REPS1: variants seen among roughly 807,000 people sequenced by gnomAD.
The protein encoded by REPS1 is RALBP1 associated Eps domain containing 1.
In REPS1, 39 loss-of-function variants were observed where a neutral mutation model predicts 100.9. That is an observed-to-expected ratio of 0.39 (90% CI 0.30 to 0.50). The LOEUF (loss-of-function observed/expected upper bound fraction) is 0.50. REPS1 is among the 20% of genes least tolerant of loss of function. The pLI is 0.86. For synonymous variants in REPS1, 324 were observed against 340.3 expected (o/e 0.95, Z 0.53); for missense variants, 821 against 968.5 (o/e 0.85, Z 2.02).
At chr6:138,985,387 C>G (rs1477540742) in intron 1 of REPS1, among the ~76,000 whole-genome samples, 1 of 152,186 alleles carries the variant, frequency 6.6e-6, no homozygotes, top group African/African-American at 2.4e-5. Context: ...CTTCTTACTC[C>G]TCTTCTGATG....
At chr6:138,933,804 A>G (rs1417852140) in intron 8 of REPS1, among the ~76,000 whole-genome samples, 1 of 152,084 alleles carries the variant, frequency 6.6e-6, no homozygotes, top group African/African-American at 2.4e-5. Flanking sequence ...ATCAGTTTTA[A>G]TTTCTAATAA....
chr6:138,985,959 G>A (rs1785235853), intron 1 of REPS1, among the ~76,000 whole-genome samples: 1 of 152,164 alleles, frequency 6.6e-6, no homozygotes, highest in Non-Finnish European at 1.5e-5. Flanking sequence ...TAACTTGAAG[G>A]TATACTTTGT....
chr6:138,972,410 T>G (rs1457349708), intron 1 of REPS1, among the ~76,000 whole-genome samples: 3 of 152,252 alleles, frequency 2.0e-5, no homozygotes, highest in Non-Finnish European at 2.9e-5. Context: ...GATGTAGCAG[T>G]GAGTTGGTAG....
rs373690281 is a variant in REPS1 at position 138,950,440 on chromosome 6, T to C, written c.154-2527A>G. 2.0e-5 allele frequency among the ~76,000 whole-genome samples: 3 copies of C among 152,288 alleles called. 1 individual carries two copies. On this transcript the variant is annotated intron_variant, in intron 1 of 19. Transcript: ENST00000450536. ...AGGCTGCAGTAAGCTATGATGGTTT[T>C]ACTTCACTCAAGCCTGGGCAACAGA...
intron 1 of REPS1, 103 bp downstream of exon 1, chr6:138,987,427 A>C: frequency 3.2e-6 from 4 of 1,231,364 alleles, no homozygotes; most frequent in Non-Finnish European, 3.2e-6. Context: ...CCCCCGAGGA[A>C]CCAGCCCCCC....
intron 10 of REPS1, among the ~76,000 whole-genome samples, chr6:138,922,231 T>A (rs1208168369): frequency 2.0e-5 from 3 of 152,204 alleles, no homozygotes; most frequent in African/African-American, 7.2e-5. Flanking sequence ...GAGATGCCTA[T>A]GACATTGCAA....
intron 1 of REPS1, among the ~76,000 whole-genome samples, chr6:138,977,473 T>C (rs530832504): frequency 3.4e-4 from 52 of 152,356 alleles, no homozygotes; most frequent in African/African-American, 1.1e-3. Context: ...ATAGCTTCAA[T>C]GATATGCGGG....
At chr6:138,937,053 A>C (rs1359108563) in intron 8 of REPS1, among the ~76,000 whole-genome samples, 1 of 152,178 alleles carries the variant, frequency 6.6e-6, no homozygotes, top group East Asian at 1.9e-4. Context: ...GAAGGCAAGG[A>C]GGAGCAAGTC....
chr6:138,903,736 T>G lies in REPS1; in HGVS notation c.*1328A>C, dbSNP rs1376385077. On this transcript the variant is annotated 3_prime_UTR_variant, in exon 20 of 20. Transcript: ENST00000450536. ...TTCCTGGGCCTTTAATGCTTTAAAT[T>G]TATTATTTAACAACTAAAGCCATAC... The G allele has an allele frequency of 6.6e-6, 1 of 152,172 alleles. No individual in the cohort carries two copies. Among genetic ancestry groups the G allele is most frequent in the Non-Finnish European group, 1.5e-5 (1 of 68,030 alleles). 9.4% of individuals were successfully genotyped at this position (152,172 alleles called of 1,614,324 possible).
At chr6:138,925,050 G>T (rs1326095967) in intron 10 of REPS1, among the ~76,000 whole-genome samples, 1 of 152,022 alleles carries the variant, frequency 6.6e-6, no homozygotes, top group East Asian at 1.9e-4. Context: ...TCTTTAAAAT[G>T]ATAAAAGACA....
Position 138,987,647 on chromosome 6 carries a change from T to C in REPS1, c.36A>G (p.Lys12=), listed in dbSNP as rs1345275844. 5.2e-6 allele frequency: 8 copies of C among 1,549,804 alleles called. No individual in the cohort carries two copies. The highest frequency in any genetic ancestry group is 6.1e-6 in the Non-Finnish European group (7 of 1,146,296). ...EGLTLSDAEQ[K]YYSDLFSYCD... ...AGTAGGAGAAGAGATCTGAATAGTATTTCTGCTCCGCATCGCTCAGCGTTA... is the reference window on the plus strand; with the variant it reads ...AGTAGGAGAAGAGATCTGAATAGTACTTCTGCTCCGCATCGCTCAGCGTTA... Residue 12 remains lysine, a synonymous_variant, in exon 1 of 20, where the codon AAA becomes AAG. Coordinates refer to ENST00000450536, the MANE Select transcript of REPS1 (RefSeq NM_001286611.2).
At chr6:138,920,182 A>G (rs1375369893) in intron 12 of REPS1, 33 bp downstream of exon 12, 1 of 1,129,088 alleles carries the variant, frequency 8.9e-7, no homozygotes, top group East Asian at 2.3e-5. Context: ...AGACTTAGTA[A>G]ACTTCAAATG....
intron 15 of REPS1, 96 bp downstream of exon 15, chr6:138,914,601 C>A: frequency 2.1e-6 from 2 of 961,916 alleles, no homozygotes; most frequent in Non-Finnish European, 1.7e-6. Context: ...ACCAACAGAT[C>A]ATTCCTGACC....
At chr6:138,955,394 G>A (rs993117169) in intron 1 of REPS1, among the ~76,000 whole-genome samples, 1 of 149,298 alleles carries the variant, frequency 6.7e-6, no homozygotes, top group African/African-American at 2.5e-5. Flanking sequence ...ACTGCAGTGA[G>A]CTAGGAATTG....
chr6:138,970,694 G>A (rs1214490408), intron 1 of REPS1, among the ~76,000 whole-genome samples: 1 of 152,200 alleles, frequency 6.6e-6, no homozygotes, highest in Non-Finnish European at 1.5e-5. Context: ...TGAGGTGGGA[G>A]GATCGCTTAA....
At chr6:138,950,188 T>C (rs1198834463) in intron 1 of REPS1, among the ~76,000 whole-genome samples, 2 of 152,154 alleles carry the variant, frequency 1.3e-5, no homozygotes, top group Non-Finnish European at 2.9e-5. Context: ...TAGTTAACTA[T>C]TGAGGCCAGG....
chr6:138,944,535 G>A lies in REPS1; in HGVS notation c.716C>T (p.Thr239Ile). The A allele has an allele frequency of 6.2e-7, 1 of 1,614,088 alleles. No individual in the cohort carries two copies. The highest frequency in any genetic ancestry group is 1.1e-5 in the South Asian group (1 of 91,080). ...NWVSFADTPPTSTLLTMHPAS... is the reference protein window; with the variant it reads ...NWVSFADTPPISTLLTMHPAS... Reference sequence around the variant, plus strand: ...AGGATGCATGGTTAAAAGAGTACTGGTTGGTGGAGTATCTGCAAAACTGAC... The same window carrying A: ...AGGATGCATGGTTAAAAGAGTACTGATTGGTGGAGTATCTGCAAAACTGAC... The change falls in exon 5 of 20, where the codon ACC (threonine) becomes ATC (isoleucine). Residue 239 changes from threonine (T) to isoleucine (I), a missense_variant. Physicochemically the swap from Thr to Ile is moderately conservative, Grantham distance 89 (BLOSUM62 -1). This residue lies in a region of REPS1 where 757 missense variants were observed against 866.4 expected (regional missense o/e 0.87). Coordinates refer to ENST00000450536, the MANE Select transcript of REPS1 (RefSeq NM_001286611.2).
At chr6:138,922,578 T>G (rs1341015378) in intron 10 of REPS1, among the ~76,000 whole-genome samples, 1 of 152,150 alleles carries the variant, frequency 6.6e-6, no homozygotes, top group Non-Finnish European at 1.5e-5. Flanking sequence ...TAGGACACAG[T>G]AGGCCTGATC....
chr6:138,974,056 AG>A (rs1160623800), intron 1 of REPS1, among the ~76,000 whole-genome samples: 6 of 152,126 alleles, frequency 3.9e-5, no homozygotes, highest in African/African-American at 1.4e-4. Flanking sequence ...CTGCAAACCC[AG>A]TGCCCTAGGT....
Sources: allele counts gnomAD v4.1 joint callset (sites outside exome capture counted in the v4.1 genomes callset), GRCh38; gene constraint gnomAD v4.1.1; regional missense constraint gnomAD v4.1.1; transcripts MANE v1.5; gene names NCBI Gene and HGNC (gene_info 2026-07-23, HGNC 2026-07-21).